The following ZNF334 variants were observed in gnomAD, a reference collection of about 807,000 sequenced individuals.
ZNF334 encodes zinc finger protein 334.
A neutral mutation model predicts 12.4 loss-of-function variants in ZNF334; 14 were observed. That is an observed-to-expected ratio of 1.13 (90% confidence interval 0.74 to 1.76). ZNF334 has a LOEUF of 1.76. Among genes scored for constraint, ZNF334 ranks in the 40% most tolerant of loss-of-function variants. ZNF334 has a pLI of 0.00. For missense variants in ZNF334, 797 were observed against 804.5 expected, an observed-to-expected ratio of 0.99 and a Z score of 0.11; for synonymous variants, 273 against 269.6, an observed-to-expected ratio of 1.01 and a Z score of -0.12.
intron 2 of ZNF334, among the ~76,000 whole-genome samples, chr20:46,508,974 C>T (rs1601064341): frequency 6.6e-6 from 1 of 152,122 alleles, no homozygotes; most frequent in Non-Finnish European, 1.5e-5. Flanking sequence ...CAGGGATTTT[C>T]ACTCTTGAAA....
At chr20:46,481,958 G>A in the ZNF334 span, among the ~76,000 whole-genome samples, 2 of 152,084 alleles carry the variant, frequency 1.3e-5, no homozygotes, top group Admixed American at 1.3e-4. Flanking sequence ...ATCTTCAGAT[G>A]GGGGGTTTCT....
chr20:46,502,630 T>C lies in ZNF334; in HGVS notation c.709A>G (p.Asn237Asp). ...QKGRQTERKP[N>D]ECNECRKTFS... The stretch of plus-strand genomic sequence containing the variant: ...GTTTTCCTACATTCATTACATTCAT[T>C]TGGTTTCCTTTCAGTCTGTCTCCCC... Residue 237 changes from asparagine to aspartate, a missense_variant, in exon 5 of 5, where the codon AAT (asparagine) becomes GAT (aspartate). Transcript: ENST00000692313. 1 of 1,613,028 alleles carries C rather than the reference T, an allele frequency of 6.2e-7. No homozygotes were observed.
chr20:46,487,765 G>A, the ZNF334 span, among the ~76,000 whole-genome samples: 1 of 152,136 alleles, frequency 6.6e-6, no homozygotes, highest in Non-Finnish European at 1.5e-5. Flanking sequence ...TTTTCCTAAC[G>A]TCTACTTTCT....
At chr20:46,478,166 A>T in the ZNF334 span, among the ~76,000 whole-genome samples, 3 of 152,214 alleles carry the variant, frequency 2.0e-5, 1 homozygote, top group Admixed American at 2.0e-4. Context: ...ATTTATTCTG[A>T]GCCAAATATG....
chr20:46,470,023 C>T, the ZNF334 span, among the ~76,000 whole-genome samples: 1 of 152,170 alleles, frequency 6.6e-6, no homozygotes, highest in African/African-American at 2.4e-5. Flanking sequence ...TCATCCCACT[C>T]AGGCTTTTGT....
At chr20:46,470,655 A>T in the ZNF334 span, among the ~76,000 whole-genome samples, 1 of 152,216 alleles carries the variant, frequency 6.6e-6, no homozygotes, top group East Asian at 1.9e-4. Flanking sequence ...ATGCATTCAT[A>T]AACACTCCAT....
At chr20:46,474,186 G>A in the ZNF334 span, among the ~76,000 whole-genome samples, 1 of 151,992 alleles carries the variant, frequency 6.6e-6, no homozygotes, top group African/African-American at 2.4e-5. Context: ...CAGCCTGGCT[G>A]ACATGGCGAA....
chr20:46,485,979 C>T, the ZNF334 span, among the ~76,000 whole-genome samples: 12 of 152,270 alleles, frequency 7.9e-5, no homozygotes, highest in African/African-American at 2.9e-4. Flanking sequence ...GTCACTTTCA[C>T]ATTTACTGCA....
At chr20:46,489,956 A>G in the ZNF334 span, among the ~76,000 whole-genome samples, 1 of 152,300 alleles carries the variant, frequency 6.6e-6, no homozygotes, top group Non-Finnish European at 1.5e-5. Context: ...TGCTCAATCT[A>G]TAATTCGTAT....
At chr20:46,505,397 T>C (rs1568868341) in intron 2 of ZNF334, 2 of 152,928 alleles carry the variant, frequency 1.3e-5, no homozygotes, top group Non-Finnish European at 2.9e-5. Flanking sequence ...AATTGTAGTA[T>C]ATTTCCAAGT....
the ZNF334 span, among the ~76,000 whole-genome samples, chr20:46,463,288 A>C: frequency 6.6e-6 from 1 of 152,198 alleles, no homozygotes; most frequent in African/African-American, 2.4e-5. Flanking sequence ...CACACAGTAG[A>C]AATCTCAACA....
chr20:46,509,635 A>G (rs1162577579), intron 2 of ZNF334: 1 of 702,980 alleles, frequency 1.4e-6, no homozygotes, highest in Non-Finnish European at 2.6e-6. Context: ...CCCTTCATTC[A>G]AGGTTCACCC....
At chr20:46,464,114 T>C in the ZNF334 span, 3 of 583,848 alleles carry the variant, frequency 5.1e-6, no homozygotes, top group Non-Finnish European at 1.0e-5. Context: ...CAGTATCTGT[T>C]TGCCTGTCTC....
intron 2 of ZNF334, chr20:46,509,680 A>G (rs1223111635): frequency 7.1e-6 from 5 of 702,888 alleles, no homozygotes; most frequent in Non-Finnish European, 1.3e-5. Context: ...TCCAGGTTGC[A>G]TCATCTGGCT....
At position 46,512,118 on chromosome 20, in the gene ZNF334, G is replaced by C; in HGVS notation, c.-16C>G. On this transcript the variant is annotated 5_prime_UTR_variant, in exon 2 of 5. Transcript: ENST00000692313. ...TCATTTTCATGTTCTCTTGAGAAAGGGCCAAGAGTGTTGAAAGCAGAGCTG... is the reference window on the plus strand; with the variant it reads ...TCATTTTCATGTTCTCTTGAGAAAGCGCCAAGAGTGTTGAAAGCAGAGCTG... 2.5e-6 allele frequency: 4 copies of C among 1,613,632 alleles called. No individual in the cohort carries two copies. Among genetic ancestry groups the C allele is most frequent in the Non-Finnish European group, 1.7e-6 (2 of 1,179,694 alleles).
At chr20:46,476,213 A>G in the ZNF334 span, 1 of 152,182 alleles carries the variant, frequency 6.6e-6, no homozygotes, top group African/African-American at 2.4e-5. Context: ...TTAGAAATGG[A>G]GAAGAGATTA....
At position 46,508,521 on chromosome 20, in the gene ZNF334, C is replaced by T. The variant is rs868843788; in HGVS notation, c.21+3561G>A. Among the ~76,000 whole-genome samples, 10 of 152,300 alleles carry T rather than the reference C, an allele frequency of 6.6e-5. No homozygotes were observed. The East Asian group carries it at 7.7e-4, about 12-fold the overall frequency. Reference sequence around the variant, plus strand: ...AGTCAAGGAGCAAACAGTAGAAACACGGTTAAAAGCAAGAGTGTAAAATTT... The same window carrying T: ...AGTCAAGGAGCAAACAGTAGAAACATGGTTAAAAGCAAGAGTGTAAAATTT... On this transcript the variant is annotated intron_variant, in intron 2 of 4. Coordinates refer to ENST00000692313, the MANE Select transcript of ZNF334 (RefSeq NM_001353824.2).
the ZNF334 span, among the ~76,000 whole-genome samples, chr20:46,489,791 T>G: frequency 7.1e-4 from 108 of 152,314 alleles, no homozygotes; most frequent in South Asian, 7.7e-3. Context: ...TTTATAAATA[T>G]TCCACTATAT....
the ZNF334 span, among the ~76,000 whole-genome samples, chr20:46,488,787 T>C: frequency 2.7e-5 from 4 of 148,140 alleles, no homozygotes; most frequent in African/African-American, 5.1e-5. Context: ...ATGCTGGGCA[T>C]AGAATTCTAG....
Sources: gnomAD v4.1 joint callset for allele counts (sites outside exome capture counted in the v4.1 genomes callset) on GRCh38, gnomAD v4.1.1 for gene constraint, MANE v1.5 for transcripts, NCBI Gene and HGNC (gene_info 2026-07-23, HGNC 2026-07-21) for gene names.